Variants in LMX1A observed in about 807,000 individuals in gnomAD.
LMX1A encodes LIM homeobox transcription factor 1 alpha.
In LMX1A, 15 loss-of-function variants were observed where a neutral mutation model predicts 49.1. That is an observed-to-expected ratio of 0.31 (90% CI 0.20 to 0.47). The LOEUF (loss-of-function observed/expected upper bound fraction) is 0.47. LMX1A is among the 20% of genes least tolerant of loss of function. LMX1A has a pLI of 1.00. For missense variants in LMX1A, 372 were observed against 475.8 expected (o/e 0.78, Z 2.03); for synonymous variants, 167 against 185.7 (o/e 0.90, Z 0.82).
At chr1:165,320,744 T>C (rs1281705678) in intron 3 of LMX1A, among the ~76,000 whole-genome samples, 1 of 152,204 alleles carries the variant, frequency 6.6e-6, no homozygotes, top group Non-Finnish European at 1.5e-5. Flanking sequence ...CCAGCTTTTC[T>C]GGGATGCTAG....
At chr1:165,224,967 ACAGGAGAG>A (rs902506441) in intron 4 of LMX1A, among the ~76,000 whole-genome samples, 1 of 152,252 alleles carries the variant, frequency 6.6e-6, no homozygotes, top group African/African-American at 2.4e-5. Flanking sequence ...CAATAGGAAG[ACAGGAGAG>A]CAGGTCATGA....
At chr1:165,297,930 C>T (rs766207832) in intron 3 of LMX1A, among the ~76,000 whole-genome samples, 2 of 152,216 alleles carry the variant, frequency 1.3e-5, no homozygotes, top group South Asian at 2.1e-4. Flanking sequence ...TGCATCAAGC[C>T]GTGAGGCTTC....
intron 4 of LMX1A, 24 bp downstream of exon 4, chr1:165,249,384 C>T: frequency 1.3e-6 from 2 of 1,567,686 alleles, no homozygotes; most frequent in Non-Finnish European, 1.8e-6. Context: ...CCCACCGCAG[C>T]CCTGCCCACC....
At chr1:165,303,702 T>C (rs1479573212) in intron 3 of LMX1A, among the ~76,000 whole-genome samples, 2 of 152,132 alleles carry the variant, frequency 1.3e-5, no homozygotes, top group Non-Finnish European at 2.9e-5. Flanking sequence ...AGGCGGGTAC[T>C]GGACAGGAAT....
intron 3 of LMX1A, among the ~76,000 whole-genome samples, chr1:165,290,053 C>T (rs1319334149): frequency 6.6e-6 from 1 of 152,208 alleles, no homozygotes; most frequent in Non-Finnish European, 1.5e-5. Flanking sequence ...AGTAAACATA[C>T]ACTGCACATT....
At chr1:165,351,472 A>G (rs1656424546) in intron 3 of LMX1A, among the ~76,000 whole-genome samples, 2 of 152,228 alleles carry the variant, frequency 1.3e-5, no homozygotes, top group Non-Finnish European at 2.9e-5. Flanking sequence ...CAGACAACCA[A>G]GAATACACAG....
rs546380438 is a variant in LMX1A at position 165,265,121 on chromosome 1, G to A, written c.264-15481C>T. On this transcript the variant is annotated intron_variant, in intron 3 of 8. Transcript: ENST00000342310. ...CAGGAGGCTGAGGCAGGAGAATGGCGGGAACCCAGGAGGTGGAGCTTGCAG... is the reference window on the plus strand; with the variant it reads ...CAGGAGGCTGAGGCAGGAGAATGGCAGGAACCCAGGAGGTGGAGCTTGCAG... Among the ~76,000 whole-genome samples the A allele has an allele frequency of 4.1e-4, 62 of 151,602 alleles. 1 individual carries two copies. Among genetic ancestry groups the A allele is most frequent in the African/African-American group, 1.5e-3 (60 of 41,320 alleles).
At chr1:165,239,922 A>G (rs1228903077) in intron 4 of LMX1A, among the ~76,000 whole-genome samples, 1 of 152,206 alleles carries the variant, frequency 6.6e-6, no homozygotes, top group Non-Finnish European at 1.5e-5. Context: ...AGACGTATTT[A>G]TTGGCTTGAC....
chr1:165,279,481 T>C (rs1654079137), intron 3 of LMX1A, among the ~76,000 whole-genome samples: 1 of 151,976 alleles, frequency 6.6e-6, no homozygotes, highest in South Asian at 2.1e-4. Flanking sequence ...AGAGAGAAAC[T>C]GGCATTAATT....
chr1:165,288,852 G>A (rs755386145), intron 3 of LMX1A, among the ~76,000 whole-genome samples: 2 of 152,230 alleles, frequency 1.3e-5, no homozygotes, highest in Non-Finnish European at 2.9e-5. Context: ...GTGTGGCGGT[G>A]CAGTTGCATT....
Position 165,264,210 on chromosome 1 carries a change from A to G in LMX1A, c.264-14570T>C, listed in dbSNP as rs113641662. ...GCCCCCACCAGCACCCCAACCACAA[A>G]ACTCATGTGCAAGTCTGCAATATAA... On this transcript the variant is annotated intron_variant, in intron 3 of 8. Coordinates refer to ENST00000342310, the MANE Select transcript of LMX1A (RefSeq NM_177398.4). Among the ~76,000 whole-genome samples, 27 of 152,030 alleles carry G rather than the reference A, an allele frequency of 1.8e-4. 1 individual carries two copies. The highest frequency in any genetic ancestry group is 6.5e-4 in the African/African-American group (27 of 41,472).
At chr1:165,321,677 G>C (rs1360248785) in intron 3 of LMX1A, among the ~76,000 whole-genome samples, 1 of 152,072 alleles carries the variant, frequency 6.6e-6, no homozygotes, top group African/African-American at 2.4e-5. Context: ...AGAAAATATA[G>C]AGATAAATTT....
chr1:165,270,305 C>G (rs964102714), intron 3 of LMX1A, among the ~76,000 whole-genome samples: 1 of 152,110 alleles, frequency 6.6e-6, no homozygotes. Flanking sequence ...TCATACCCCC[C>G]ATAAAATCAT....
At chr1:165,343,778 C>G (rs972753869) in intron 3 of LMX1A, among the ~76,000 whole-genome samples, 14 of 152,136 alleles carry the variant, frequency 9.2e-5, no homozygotes, top group Admixed American at 2.6e-4. Flanking sequence ...TATAGATAAA[C>G]AGGGAAGCCT....
At chr1:165,330,026 A>C (rs1224882951) in intron 3 of LMX1A, among the ~76,000 whole-genome samples, 1 of 152,260 alleles carries the variant, frequency 6.6e-6, no homozygotes, top group Non-Finnish European at 1.5e-5. Context: ...ACATGGGGCA[A>C]TTAGTCTGTA....
At chr1:165,347,991 A>G (rs1261964722) in intron 3 of LMX1A, among the ~76,000 whole-genome samples, 2 of 127,200 alleles carry the variant, frequency 1.6e-5, no homozygotes, top group Non-Finnish European at 1.9e-5. Flanking sequence ...AAAAGCAACA[A>G]TCAAGAGGCT....
intron 3 of LMX1A, among the ~76,000 whole-genome samples, chr1:165,295,653 T>C (rs1654596004): frequency 6.6e-6 from 1 of 151,988 alleles, no homozygotes; most frequent in Admixed American, 6.5e-5. Context: ...CATACTTGTG[T>C]GTAAAAGTGG....
intron 3 of LMX1A, among the ~76,000 whole-genome samples, chr1:165,254,411 C>G (rs773910332): frequency 6.6e-6 from 1 of 152,032 alleles, no homozygotes; most frequent in African/African-American, 2.4e-5. Context: ...TGGGGCAGTC[C>G]TGTTTTTTTC....
intron 3 of LMX1A, among the ~76,000 whole-genome samples, chr1:165,345,247 T>G (rs1000619545): frequency 6.6e-6 from 1 of 152,138 alleles, no homozygotes; most frequent in African/African-American, 2.4e-5. Flanking sequence ...GAATTGTGAG[T>G]CAAGGCGTGG....
Sources: allele counts gnomAD v4.1 joint callset (sites outside exome capture counted in the v4.1 genomes callset), GRCh38; gene constraint gnomAD v4.1.1; transcripts MANE v1.5; gene names NCBI Gene and HGNC (gene_info 2026-07-23, HGNC 2026-07-21).